LRP1B: variants seen among roughly 807,000 people sequenced by gnomAD.
The protein encoded by LRP1B is LDL receptor related protein 1B, also known as low-density lipoprotein receptor-related protein 1B.
A neutral mutation model predicts 556.6 loss-of-function variants in LRP1B; 217 were observed. The observed-to-expected ratio is 0.39, with a 90% CI of 0.35 to 0.44. LRP1B has a LOEUF of 0.44. Among genes scored for constraint, LRP1B ranks in the 20% least tolerant of loss-of-function variants. The pLI is 1.00. For missense variants in LRP1B, 5,053 were observed against 5,620.8 expected, an observed-to-expected ratio of 0.90 and a Z score of 3.23; for synonymous variants, 2,047 against 1,865.8, an observed-to-expected ratio of 1.10 and a Z score of -2.50.
intron 3 of LRP1B, among the ~76,000 whole-genome samples, chr2:141,281,770 G>C (rs929728551): frequency 3.9e-5 from 6 of 151,968 alleles, no homozygotes; most frequent in Non-Finnish European, 5.9e-5. Context: ...AGTTAACAAG[G>C]CAGTATGGTA....
chr2:141,840,620 T>C (rs1026604918), intron 1 of LRP1B, among the ~76,000 whole-genome samples: 31 of 152,098 alleles, frequency 2.0e-4, no homozygotes, highest in Non-Finnish European at 1.6e-4. Context: ...CAGTACTGTT[T>C]TAGACACTTG....
At chr2:140,608,989 T>C (rs1574138610) in intron 41 of LRP1B, among the ~76,000 whole-genome samples, 1 of 152,152 alleles carries the variant, frequency 6.6e-6, no homozygotes, top group South Asian at 2.1e-4. Context: ...TCACTACTAC[T>C]GGAAGGAAAG....
At chr2:140,431,466 A>G (rs1685940682) in intron 66 of LRP1B, among the ~76,000 whole-genome samples, 2 of 152,076 alleles carry the variant, frequency 1.3e-5, no homozygotes, top group African/African-American at 4.8e-5. Flanking sequence ...CCTGTTCACC[A>G]TTCTCAACTA....
chr2:141,206,167 A>G (rs1682270363), intron 6 of LRP1B, among the ~76,000 whole-genome samples: 1 of 152,092 alleles, frequency 6.6e-6, no homozygotes, highest in Admixed American at 6.6e-5. Flanking sequence ...ACGCACAACC[A>G]GGAAGCCAGA....
intron 3 of LRP1B, among the ~76,000 whole-genome samples, chr2:141,259,596 A>C (rs1684611465): frequency 6.6e-6 from 1 of 152,208 alleles, no homozygotes; most frequent in South Asian, 2.1e-4. Flanking sequence ...GCACAAGCCC[A>C]CAATGGAAAG....
intron 2 of LRP1B, among the ~76,000 whole-genome samples, chr2:141,679,083 G>T (rs770485158): frequency 2.6e-5 from 4 of 152,096 alleles, no homozygotes; most frequent in Non-Finnish European, 5.9e-5. Context: ...ATAGAATGGT[G>T]CTTGTGGCAA....
rs917976435 is a variant in LRP1B at position 141,918,371 on chromosome 2, G to A, written c.83-107970C>T. 2.6e-5 allele frequency among the ~76,000 whole-genome samples: 4 copies of A among 151,992 alleles called. No individual in the cohort carries two copies. In the East Asian group the frequency reaches 5.8e-4, roughly 22 times the overall value. ...GCATAGAAAAAAAAACTTTTCAGAT[G>A]TAACAACTACTGGCACCATTGAAAA... is the stretch of plus-strand genomic sequence containing the variant. On this transcript the variant is annotated intron_variant, in intron 1 of 90. Coordinates refer to ENST00000389484, the MANE Select transcript of LRP1B (RefSeq NM_018557.3).
chr2:140,590,453 A>G (rs1682175314), intron 43 of LRP1B, among the ~76,000 whole-genome samples: 2 of 151,888 alleles, frequency 1.3e-5, no homozygotes, highest in Non-Finnish European at 2.9e-5. Flanking sequence ...CTGACTCCCA[A>G]TATGACTGTA....
intron 3 of LRP1B, among the ~76,000 whole-genome samples, chr2:141,257,284 G>A (rs529933244): frequency 6.2e-4 from 95 of 152,234 alleles, no homozygotes; most frequent in African/African-American, 2.2e-3. Context: ...GTTATACTAT[G>A]AAAAGAATGA....
At chr2:141,715,351 G>T (rs1692541544) in intron 2 of LRP1B, among the ~76,000 whole-genome samples, 1 of 151,960 alleles carries the variant, frequency 6.6e-6, no homozygotes, top group Admixed American at 6.6e-5. Context: ...TGTGCCTGTT[G>T]TTCCAGCTAC....
At chr2:140,568,094 A>G (rs1681190739) in intron 43 of LRP1B, among the ~76,000 whole-genome samples, 2 of 152,050 alleles carry the variant, frequency 1.3e-5, no homozygotes, top group South Asian at 4.1e-4. Flanking sequence ...TGACACTACC[A>G]AAGGAGCAAA....
chr2:141,232,096 G>C (rs1274981456), intron 5 of LRP1B, among the ~76,000 whole-genome samples: 1 of 152,134 alleles, frequency 6.6e-6, no homozygotes, highest in African/African-American at 2.4e-5. Flanking sequence ...TAGCTAGTCA[G>C]TTTCTCTCCT....
At chr2:141,272,964 T>C (rs1023998020) in intron 3 of LRP1B, among the ~76,000 whole-genome samples, 1 of 152,190 alleles carries the variant, frequency 6.6e-6, no homozygotes, top group Admixed American at 6.5e-5. Context: ...TATAAACAAC[T>C]AGACCTAGTT....
chr2:142,021,129 C>A (rs1305997651), intron 1 of LRP1B, among the ~76,000 whole-genome samples: 2 of 152,164 alleles, frequency 1.3e-5, no homozygotes, highest in African/African-American at 4.8e-5. Flanking sequence ...TTACAAACCT[C>A]TAATACTTGG....
rs909844058 is a variant in LRP1B, at chr2:141,015,970, G to A, written c.1971-55C>T. ...ATACATGTTATTACAACCAGCCACAGTATAGACACTTCCTCAGATTTGGCA... is the reference window on the plus strand; with the variant it reads ...ATACATGTTATTACAACCAGCCACAATATAGACACTTCCTCAGATTTGGCA... On this transcript the variant is annotated intron_variant, in intron 12 of 90. Transcript: ENST00000389484. 21 of 1,292,498 alleles carry A rather than the reference G, an allele frequency of 1.6e-5. No individual in the cohort carries two copies. In the African/African-American group the frequency reaches 3.1e-4, roughly 19 times the overall value. 80.1% of individuals were successfully genotyped at this position (1,292,498 alleles called of 1,614,324 possible). A position where few individuals can be genotyped will look rare whatever the true frequency, so the allele number is the denominator to read the frequency against.
intron 2 of LRP1B, among the ~76,000 whole-genome samples, chr2:141,622,290 T>G (rs1013560504): frequency 6.6e-6 from 1 of 152,222 alleles, no homozygotes; most frequent in South Asian, 2.1e-4. Flanking sequence ...AATTCTACAT[T>G]ATACAATTAA....
intron 4 of LRP1B, among the ~76,000 whole-genome samples, chr2:141,248,792 C>T (rs992667148): frequency 2.6e-4 from 39 of 152,110 alleles, no homozygotes; most frequent in African/African-American, 8.9e-4. Flanking sequence ...GAAATAAAGG[C>T]TTTGGTAAAT....
At chr2:140,770,405 A>C (rs1003015709) in intron 34 of LRP1B, among the ~76,000 whole-genome samples, 1 of 152,000 alleles carries the variant, frequency 6.6e-6, no homozygotes, top group East Asian at 1.9e-4. Flanking sequence ...AGAACTAGAG[A>C]CTGCAAAACA....
At chr2:140,233,584 A>G (rs1349122111) in intron 90 of LRP1B, among the ~76,000 whole-genome samples, 1 of 151,242 alleles carries the variant, frequency 6.6e-6, no homozygotes, top group Non-Finnish European at 1.5e-5. Flanking sequence ...CATATACAAA[A>G]AGCCAGAAAA....
Sources: gnomAD v4.1 joint callset for allele counts (sites outside exome capture counted in the v4.1 genomes callset) on GRCh38, gnomAD v4.1.1 for gene constraint, MANE v1.5 for transcripts, NCBI Gene and HGNC (gene_info 2026-07-23, HGNC 2026-07-21) for gene names.